Variants in BRINP2 observed in about 807,000 individuals in gnomAD.
The protein encoded by BRINP2 is BMP/retinoic acid-inducible neural-specific protein 2.
Under a neutral mutation model 69.2 loss-of-function variants are expected in BRINP2, and 21 were observed. The ratio of observed to expected loss-of-function variants is 0.30; its 90% CI spans 0.22 to 0.44. The LOEUF is 0.44. BRINP2 is among the 20% of genes least tolerant of loss of function. The probability of loss-of-function intolerance (pLI) is 1.00; values close to 1 mark genes in which losing one functional copy is unlikely to be tolerated. For missense variants in BRINP2, 877 were observed against 986.0 expected (o/e 0.89, Z 1.48); for synonymous variants, 380 against 394.1 (o/e 0.96, Z 0.42).
chr1:177,223,111 T>C (rs1649590869), intron 1 of BRINP2, among the ~76,000 whole-genome samples: 1 of 152,190 alleles, frequency 6.6e-6, no homozygotes, highest in South Asian at 2.1e-4. Context: ...ATTCGGCCCC[T>C]GGCTTTATCG....
At position 177,257,590 on chromosome 1, in the gene BRINP2, G is replaced by T. The variant is rs558332204; in HGVS notation, c.669+206G>T. ...TCACAGAGCACCCACTCTGAGGCAG[G>T]CTACAGCAGAGGCACGTCTGTGAAT... On this transcript the variant is annotated intron_variant, in intron 4 of 7. Transcript: ENST00000361539. Among the ~76,000 whole-genome samples the T allele has an allele frequency of 5.9e-5, 9 of 152,316 alleles. No homozygotes were observed. The East Asian group carries it at 9.7e-4, about 16-fold the overall frequency.
chr1:177,271,583 T>C (rs1387904295), intron 4 of BRINP2, among the ~76,000 whole-genome samples: 2 of 152,262 alleles, frequency 1.3e-5, no homozygotes, highest in South Asian at 2.1e-4. Context: ...TGGAGAGTGA[T>C]AGTAATGAGA....
intron 4 of BRINP2, among the ~76,000 whole-genome samples, chr1:177,263,364 G>A (rs1472660125): frequency 6.6e-6 from 1 of 152,312 alleles, no homozygotes; most frequent in East Asian, 1.9e-4. Flanking sequence ...ATGAGGACAG[G>A]TAGTGGGTGC....
Position 177,281,940 on chromosome 1 carries a change from C to G in BRINP2, c.*412C>G, listed in dbSNP as rs1309719548. On this transcript the variant is annotated 3_prime_UTR_variant, in exon 8 of 8. Transcript: ENST00000361539. Reference sequence around the variant, plus strand: ...GGGACAACAATGGGAGGGGTCGGAGCTCTTCCTTCCCCTCTGTGGAGTCAC... The same window carrying G: ...GGGACAACAATGGGAGGGGTCGGAGGTCTTCCTTCCCCTCTGTGGAGTCAC... 1 of 159,652 alleles carries G rather than the reference C, an allele frequency of 6.3e-6. No individual in the cohort carries two copies. The highest frequency in any genetic ancestry group is 1.4e-5 in the Non-Finnish European group (1 of 73,156). The allele number at this position is 159,652 out of a possible 1,614,324, so 9.9% of individuals were successfully genotyped here. A position where few individuals can be genotyped will look rare whatever the true frequency, so the allele number is the denominator to read the frequency against.
chr1:177,232,615 C>T (rs113713895), intron 2 of BRINP2, among the ~76,000 whole-genome samples: 8 of 152,234 alleles, frequency 5.3e-5, no homozygotes, highest in African/African-American at 1.4e-4. Flanking sequence ...TACATTATCC[C>T]AGTGGGAATT....
chr1:177,200,364 T>C (rs1345731703), intron 1 of BRINP2, among the ~76,000 whole-genome samples: 1 of 126,578 alleles, frequency 7.9e-6, no homozygotes, highest in African/African-American at 2.9e-5. Context: ...CAGAGCAACA[T>C]AGCAGCCACA....
At chr1:177,201,851 G>A (rs1157897407) in intron 1 of BRINP2, among the ~76,000 whole-genome samples, 1 of 152,152 alleles carries the variant, frequency 6.6e-6, no homozygotes, top group Admixed American at 6.5e-5. Flanking sequence ...TGGTTGGTAA[G>A]CTATTAATTA....
At position 177,230,003 on chromosome 1, in the gene BRINP2, C is replaced by T. The variant is rs756669472; in HGVS notation, c.127C>T (p.Pro43Ser). The T allele has an allele frequency of 2.5e-6, 4 of 1,613,564 alleles. No individual in the cohort carries two copies. Among genetic ancestry groups the T allele is most frequent in the Non-Finnish European group, 2.5e-6 (3 of 1,179,932 alleles). The change falls in exon 2 of 8, where the codon CCC becomes TCC. Residue 43 changes from proline (P) to serine (S), a missense_variant. Coordinates refer to ENST00000361539, the MANE Select transcript of BRINP2 (RefSeq NM_021165.4). ...AVSATAAAVV[P>S]EQHASVAGQH... Reference sequence around the variant, plus strand: ...CTCAGCCACGGCGGCTGCTGTGGTCCCCGAGCAGCATGCCTCCGTAGCTGG... The same window carrying T: ...CTCAGCCACGGCGGCTGCTGTGGTCTCCGAGCAGCATGCCTCCGTAGCTGG...
chr1:177,224,739 T>C (rs1048720066), intron 1 of BRINP2, among the ~76,000 whole-genome samples: 10 of 152,222 alleles, frequency 6.6e-5, no homozygotes, highest in Non-Finnish European at 1.5e-4. Context: ...CATTCTCATC[T>C]GTTAAAAAGA....
At chr1:177,173,587 T>C (rs1016292083) in intron 1 of BRINP2, among the ~76,000 whole-genome samples, 2 of 152,182 alleles carry the variant, frequency 1.3e-5, no homozygotes, top group African/African-American at 4.8e-5. Flanking sequence ...TCTGTCAGCA[T>C]GGGGCTGGTC....
At chr1:177,185,434 G>T (rs1056406936) in intron 1 of BRINP2, among the ~76,000 whole-genome samples, 2 of 152,174 alleles carry the variant, frequency 1.3e-5, no homozygotes, top group Non-Finnish European at 2.9e-5. Context: ...GGAGGAGGGT[G>T]ATATTGCAGC....
chr1:177,222,446 G>C (rs1466836034), intron 1 of BRINP2, among the ~76,000 whole-genome samples: 4 of 152,114 alleles, frequency 2.6e-5, no homozygotes, highest in African/African-American at 4.8e-5. Context: ...CGAGTGGCTA[G>C]GATTACAGGC....
intron 1 of BRINP2, among the ~76,000 whole-genome samples, chr1:177,216,419 G>T (rs549271538): frequency 4.6e-5 from 7 of 152,048 alleles, no homozygotes; most frequent in Admixed American, 6.6e-5. Flanking sequence ...TTTGATGTCT[G>T]AATTGTATCT....
intron 1 of BRINP2, among the ~76,000 whole-genome samples, chr1:177,206,810 T>C (rs1649081710): frequency 6.6e-6 from 1 of 152,196 alleles, no homozygotes; most frequent in Admixed American, 6.5e-5. Flanking sequence ...AGAAGTATTT[T>C]GTGGGTGAGA....
intron 1 of BRINP2, among the ~76,000 whole-genome samples, chr1:177,176,639 T>A (rs10913295): frequency 6.6e-6 from 1 of 151,422 alleles, no homozygotes; most frequent in African/African-American, 2.4e-5. Flanking sequence ...GAGGAGTTGG[T>A]GACATAAAAA....
intron 1 of BRINP2, among the ~76,000 whole-genome samples, chr1:177,218,597 G>C (rs953079408): frequency 1.3e-5 from 2 of 152,104 alleles, no homozygotes; most frequent in African/African-American, 2.4e-5. Flanking sequence ...CATTTCCAAT[G>C]AGGTGAGAAT....
At chr1:177,259,867 A>T (rs1426198005) in intron 4 of BRINP2, among the ~76,000 whole-genome samples, 1 of 152,224 alleles carries the variant, frequency 6.6e-6, no homozygotes, top group Non-Finnish European at 1.5e-5. Context: ...CTCACCCAAG[A>T]GCTCTGATGG....
At chr1:177,238,748 T>A (rs1340094435) in intron 2 of BRINP2, among the ~76,000 whole-genome samples, 1 of 152,172 alleles carries the variant, frequency 6.6e-6, no homozygotes, top group Non-Finnish European at 1.5e-5. Flanking sequence ...AAATAGTTGG[T>A]CAAAATTTCT....
chr1:177,263,893 C>A (rs945116117), intron 4 of BRINP2, among the ~76,000 whole-genome samples: 1 of 152,198 alleles, frequency 6.6e-6, no homozygotes, highest in African/African-American at 2.4e-5. Context: ...AAATCCAACT[C>A]TCCATCTATT....
Sources: allele counts gnomAD v4.1 joint callset (sites outside exome capture counted in the v4.1 genomes callset), GRCh38; gene constraint gnomAD v4.1.1; transcripts MANE v1.5; gene names NCBI Gene and HGNC (gene_info 2026-07-23, HGNC 2026-07-21).